The following CPQ variants were observed in gnomAD, a reference collection of about 807,000 sequenced individuals.
CPQ encodes the protein Ser-Met dipeptidase.
A neutral mutation model predicts 45.7 loss-of-function variants in CPQ; 37 were observed. The ratio of observed to expected loss-of-function variants is 0.81; its 90% CI spans 0.62 to 1.07. The LOEUF (loss-of-function observed/expected upper bound fraction) is 1.07. Ranked by LOEUF, CPQ falls within the 50% of genes least tolerant of loss-of-function variation. The pLI is 0.00. For missense variants in CPQ, 537 were observed against 572.9 expected (o/e 0.94, Z 0.64); for synonymous variants, 186 against 205.8 (o/e 0.90, Z 0.82).
intron 4 of CPQ, among the ~76,000 whole-genome samples, chr8:96,965,376 T>TC (rs1362865313): frequency 2.8e-5 from 4 of 144,130 alleles, no homozygotes; most frequent in African/African-American, 1.0e-4. Context: ...TCTTTTCTTT[T>TC]TTTTTTTTTT....
rs558995173 is a variant in CPQ at position 97,033,714 on chromosome 8, G to A, written c.1053+4220G>A. 9.2e-5 allele frequency among the ~76,000 whole-genome samples: 14 copies of A among 151,672 alleles called. No individual in the cohort carries two copies. The East Asian group carries it at 2.7e-3, about 29-fold the overall frequency. On this transcript the variant is annotated intron_variant, in intron 6 of 7. Coordinates refer to ENST00000220763, the MANE Select transcript of CPQ (RefSeq NM_016134.4). ...CACTAGCTAGGGAGAAAAACAATAC[G>A]TAGATTATTATTTCTTCTTTTTGTT...
chr8:97,008,148 A>C (rs1436772074), intron 5 of CPQ, among the ~76,000 whole-genome samples: 1 of 152,194 alleles, frequency 6.6e-6, no homozygotes, highest in Non-Finnish European at 1.5e-5. Context: ...TTAAAAAAAA[A>C]AATCCATTTA....
chr8:96,708,290 T>C (rs1809559876), intron 1 of CPQ, among the ~76,000 whole-genome samples: 1 of 152,074 alleles, frequency 6.6e-6, no homozygotes, highest in African/African-American at 2.4e-5. Context: ...CTTAAATCCC[T>C]TTTGCTATAG....
At chr8:97,111,966 C>G (rs1459169926) in intron 7 of CPQ, among the ~76,000 whole-genome samples, 5 of 152,068 alleles carry the variant, frequency 3.3e-5, no homozygotes, top group Non-Finnish European at 5.9e-5. Context: ...CCACACTGAT[C>G]TCCAGGAAAT....
At chr8:96,990,576 T>C (rs1809076785) in intron 5 of CPQ, among the ~76,000 whole-genome samples, 1 of 152,220 alleles carries the variant, frequency 6.6e-6, no homozygotes, top group South Asian at 2.1e-4. Context: ...TAGCCTCCAC[T>C]GGTCAAATGT....
At chr8:96,890,250 T>C (rs1812355585) in intron 4 of CPQ, among the ~76,000 whole-genome samples, 1 of 152,234 alleles carries the variant, frequency 6.6e-6, no homozygotes, top group Non-Finnish European at 1.5e-5. Flanking sequence ...TGCAAGTGTA[T>C]ACATCTACAT....
intron 2 of CPQ, among the ~76,000 whole-genome samples, chr8:96,786,885 T>G (rs928086666): frequency 6.6e-6 from 1 of 152,128 alleles, no homozygotes; most frequent in Non-Finnish European, 1.5e-5. Context: ...ATTTTTATTA[T>G]AGAGTTTTAA....
At chr8:96,702,506 G>A (rs1809477205) in intron 1 of CPQ, among the ~76,000 whole-genome samples, 1 of 152,160 alleles carries the variant, frequency 6.6e-6, no homozygotes, top group South Asian at 2.1e-4. Flanking sequence ...ATTGCCTTAT[G>A]TTTATTTGTT....
intron 1 of CPQ, among the ~76,000 whole-genome samples, chr8:96,718,654 G>A (rs1253557969): frequency 2.6e-5 from 4 of 152,170 alleles, no homozygotes; most frequent in African/African-American, 9.7e-5. Flanking sequence ...GGCTCGGGCA[G>A]CCTGCTTTTA....
intron 7 of CPQ, among the ~76,000 whole-genome samples, chr8:97,134,490 T>C (rs891968273): frequency 2.6e-5 from 4 of 152,182 alleles, no homozygotes; most frequent in East Asian, 1.9e-4. Context: ...TGGTGTCAGG[T>C]AGGGCTGCCA....
At chr8:97,040,170 C>A (rs1810092064) in intron 6 of CPQ, among the ~76,000 whole-genome samples, 1 of 150,618 alleles carries the variant, frequency 6.6e-6, no homozygotes, top group African/African-American at 2.4e-5. Flanking sequence ...TTAATGATTG[C>A]CATTCTAACT....
At chr8:97,076,317 C>A (rs1220900833) in intron 7 of CPQ, among the ~76,000 whole-genome samples, 3 of 152,154 alleles carry the variant, frequency 2.0e-5, no homozygotes, top group African/African-American at 7.2e-5. Flanking sequence ...AGCCACTGAG[C>A]CCTGCCAAGG....
At chr8:96,836,211 T>A (rs1212756108) in intron 3 of CPQ, among the ~76,000 whole-genome samples, 1 of 152,170 alleles carries the variant, frequency 6.6e-6, no homozygotes, top group African/African-American at 2.4e-5. Flanking sequence ...AATTGCTATT[T>A]GGAACTGGAG....
chr8:96,852,498 A>G (rs1045175872), intron 3 of CPQ, among the ~76,000 whole-genome samples: 2 of 152,110 alleles, frequency 1.3e-5, no homozygotes, highest in Admixed American at 1.3e-4. Flanking sequence ...ATAAAAATAC[A>G]CTGACACTCA....
At chr8:96,654,760 A>G (rs1243063579) in intron 1 of CPQ, among the ~76,000 whole-genome samples, 1 of 152,228 alleles carries the variant, frequency 6.6e-6, no homozygotes, top group Non-Finnish European at 1.5e-5. Flanking sequence ...AAGCCAAAAG[A>G]CTGGTAGCTG....
intron 1 of CPQ, among the ~76,000 whole-genome samples, chr8:96,767,378 G>T (rs894014926): frequency 2.0e-5 from 3 of 151,982 alleles, no homozygotes; most frequent in Non-Finnish European, 4.4e-5. Context: ...AAGATAAGTT[G>T]TGGTACCTTT....
At chr8:96,787,680 G>A (rs941117338) in intron 2 of CPQ, among the ~76,000 whole-genome samples, 3 of 151,498 alleles carry the variant, frequency 2.0e-5, no homozygotes, top group African/African-American at 7.3e-5. Context: ...CACCAGTGAA[G>A]CAATCTCATT....
intron 1 of CPQ, among the ~76,000 whole-genome samples, chr8:96,676,812 T>C (rs1213022895): frequency 6.6e-6 from 1 of 152,036 alleles, no homozygotes; most frequent in African/African-American, 2.4e-5. Context: ...TGAAGTCTTT[T>C]ATCCCTCATC....
chr8:96,706,446 G>T (rs997742184), intron 1 of CPQ, among the ~76,000 whole-genome samples: 3 of 152,088 alleles, frequency 2.0e-5, no homozygotes, highest in Non-Finnish European at 4.4e-5. Context: ...GCCCTTGAGG[G>T]TTGGGGGTGA....
Sources: allele counts gnomAD v4.1 joint callset (sites outside exome capture counted in the v4.1 genomes callset), GRCh38; gene constraint gnomAD v4.1.1; transcripts MANE v1.5; gene names NCBI Gene and HGNC (gene_info 2026-07-23, HGNC 2026-07-21).